TAFA2: variants seen among roughly 807,000 people sequenced by gnomAD.
TAFA2 encodes the protein TAFA chemokine like family member 2.
Under a neutral mutation model 18.8 loss-of-function variants are expected in TAFA2, and 7 were observed. That is an observed-to-expected ratio of 0.37 (90% CI 0.21 to 0.70). The LOEUF (loss-of-function observed/expected upper bound fraction) is 0.70, where lower values mean the gene tolerates loss of function less well. Ranked by LOEUF, TAFA2 falls within the 30% of genes least tolerant of loss-of-function variation. The probability of loss-of-function intolerance (pLI) is 0.53; values close to 1 mark genes in which losing one functional copy is unlikely to be tolerated. For missense variants in TAFA2, 122 were observed against 158.1 expected, an observed-to-expected ratio of 0.77 and a Z score of 1.23; for synonymous variants, 60 against 54.2, an observed-to-expected ratio of 1.11 and a Z score of -0.47.
At chr12:62,059,946 A>T (rs945780921) in intron 1 of TAFA2, among the ~76,000 whole-genome samples, 4 of 152,170 alleles carry the variant, frequency 2.6e-5, no homozygotes, top group African/African-American at 9.7e-5. Context: ...TAATTCCTGT[A>T]TCTCAAGTTT....
chr12:61,803,884 A>G (rs1469787748), intron 2 of TAFA2, among the ~76,000 whole-genome samples: 3 of 152,036 alleles, frequency 2.0e-5, no homozygotes, highest in Non-Finnish European at 4.4e-5. Context: ...AACTTAAAGT[A>G]TAATTTTAAA....
intron 1 of TAFA2, among the ~76,000 whole-genome samples, chr12:62,098,718 T>C (rs912544162): frequency 6.6e-6 from 1 of 152,156 alleles, no homozygotes; most frequent in Admixed American, 6.5e-5. Flanking sequence ...AAAATAATAC[T>C]CAAATCCTTA....
chr12:61,979,083 C>T (rs1879539415), intron 1 of TAFA2, among the ~76,000 whole-genome samples: 1 of 152,060 alleles, frequency 6.6e-6, no homozygotes, highest in Non-Finnish European at 1.5e-5. Context: ...AACTAAATGA[C>T]ATTTGCCATT....
rs1172071521 is a variant in TAFA2, at chr12:61,943,613, AC to A, written c.-1-76188del. ...AAAATAAAAGGATGGAGGAAGATCT[AC>A]CAAGCCAATGGAAAACAAAAAAAGG... On this transcript the variant is annotated intron_variant, in intron 1 of 4. Transcript: ENST00000416284. Among the ~76,000 whole-genome samples the A allele has an allele frequency of 3.2e-4, 48 of 151,932 alleles. No homozygotes were observed. In the East Asian group the frequency reaches 8.6e-3, roughly 27 times the overall value.
chr12:62,208,951 T>C (rs1255340198), intron 1 of TAFA2, among the ~76,000 whole-genome samples: 1 of 152,212 alleles, frequency 6.6e-6, no homozygotes, highest in African/African-American at 2.4e-5. Context: ...GTAGTCATCT[T>C]GGACAATTAA....
chr12:61,767,811 G>T (rs1049826310), intron 2 of TAFA2, among the ~76,000 whole-genome samples: 25 of 151,736 alleles, frequency 1.6e-4, no homozygotes, highest in Admixed American at 5.2e-4. Flanking sequence ...GAAAAAAAAA[G>T]CTAATAGCTC....
chr12:61,862,496 A>G lies in TAFA2; in HGVS notation c.106+4824T>C, dbSNP rs115942549. Among the ~76,000 whole-genome samples, 1,142 of 152,344 alleles carry G rather than the reference A, an allele frequency of 7.5e-3. 12 individuals are homozygous for G. The highest frequency in any genetic ancestry group is 0.026 in the African/African-American group (1,065 of 41,564). Reference sequence around the variant, plus strand: ...TTCTGGATTTCTACAGTGTTCCTACATCATGTTCAGAAAACGGAGTAATAC... The same window carrying G: ...TTCTGGATTTCTACAGTGTTCCTACGTCATGTTCAGAAAACGGAGTAATAC... On this transcript the variant is annotated intron_variant, in intron 2 of 4. Transcript: ENST00000416284.
chr12:61,835,357 T>C (rs1360623341), intron 2 of TAFA2, among the ~76,000 whole-genome samples: 1 of 151,970 alleles, frequency 6.6e-6, no homozygotes, highest in Non-Finnish European at 1.5e-5. Flanking sequence ...TTGAAAAAGA[T>C]ATTTTGGGGG....
chr12:62,237,388 TA>T lies in TAFA2; in HGVS notation c.-130+21374del, dbSNP rs2062843050. 4.6e-5 allele frequency among the ~76,000 whole-genome samples: 7 copies of T among 152,352 alleles called. No homozygotes were observed. In the South Asian group the frequency reaches 1.2e-3, roughly 27 times the overall value. On this transcript the variant is annotated intron_variant, in intron 1 of 5. Coordinates refer to the TAFA2 transcript ENST00000551619. ...TGTTCCAGATTTCTGTTTGACTTTTTAAATTATTTTAATCTCTTTGTTAAAT... is the reference window on the plus strand; with the variant it reads ...TGTTCCAGATTTCTGTTTGACTTTTTAATTATTTTAATCTCTTTGTTAAAT...
intron 1 of TAFA2, among the ~76,000 whole-genome samples, chr12:62,001,679 C>G (rs1316120089): frequency 6.6e-6 from 1 of 152,092 alleles, no homozygotes; most frequent in Admixed American, 6.5e-5. Context: ...TTCACTTGCC[C>G]TCCTGCTGCT....
intron 1 of TAFA2, among the ~76,000 whole-genome samples, chr12:61,916,233 T>C (rs933162860): frequency 2.0e-5 from 3 of 152,134 alleles, no homozygotes; most frequent in Non-Finnish European, 1.5e-5. Flanking sequence ...TAAGAAATAA[T>C]TCTTGGGGTC....
chr12:62,178,136 T>A (rs887650417), intron 1 of TAFA2, among the ~76,000 whole-genome samples: 4 of 151,868 alleles, frequency 2.6e-5, no homozygotes, highest in Non-Finnish European at 4.4e-5. Flanking sequence ...CCCATCTCTA[T>A]AAAAAATTGA....
chr12:61,724,807 ACCAGATGGGTGTATATGTATATACAC>A (rs1372244820), intron 4 of TAFA2, among the ~76,000 whole-genome samples: 17 of 140,844 alleles, frequency 1.2e-4, no homozygotes, highest in Admixed American at 8.5e-4. Context: ...GTGTGTATAC[ACCAGATGGGTGTATATGTATATACAC>A]CCAGTAGTGA....
At chr12:61,864,150 C>G (rs560501662) in intron 2 of TAFA2, among the ~76,000 whole-genome samples, 26 of 152,128 alleles carry the variant, frequency 1.7e-4, no homozygotes, top group African/African-American at 6.3e-4. Context: ...CGCAAATTGC[C>G]TCTGAAATAA....
chr12:61,800,780 T>C (rs779592219), intron 2 of TAFA2, among the ~76,000 whole-genome samples: 11 of 152,076 alleles, frequency 7.2e-5, no homozygotes, highest in Non-Finnish European at 1.0e-4. Flanking sequence ...AAGGAGAAGA[T>C]AGAAGGTAGA....
chr12:61,719,211 C>T (rs377580051), intron 4 of TAFA2, among the ~76,000 whole-genome samples: 1 of 152,100 alleles, frequency 6.6e-6, no homozygotes, highest in African/African-American at 2.4e-5. Context: ...GTAATAGTAG[C>T]CTTTCCCCAA....
chr12:61,900,859 T>C (rs1293415977), intron 1 of TAFA2, among the ~76,000 whole-genome samples: 1 of 152,226 alleles, frequency 6.6e-6, no homozygotes, highest in Admixed American at 6.5e-5. Context: ...ATGATGCTTG[T>C]TTTTAACCTA....
intron 1 of TAFA2, among the ~76,000 whole-genome samples, chr12:62,054,509 A>T (rs2136778713): frequency 6.6e-6 from 1 of 152,326 alleles, no homozygotes; most frequent in Admixed American, 6.5e-5. Context: ...GCTTTAGTGA[A>T]CTGTAACTTA....
At chr12:61,837,824 A>C (rs1023593837) in intron 2 of TAFA2, among the ~76,000 whole-genome samples, 7 of 152,162 alleles carry the variant, frequency 4.6e-5, no homozygotes, top group African/African-American at 1.7e-4. Context: ...AAGCATTATG[A>C]AGAAGTGCAA....
Sources: allele counts gnomAD v4.1 joint callset (sites outside exome capture counted in the v4.1 genomes callset), GRCh38; gene constraint gnomAD v4.1.1; transcripts MANE v1.5; gene names NCBI Gene and HGNC (gene_info 2026-07-23, HGNC 2026-07-21).